The following BPTF variants were observed in gnomAD, a reference collection of about 807,000 sequenced individuals.
BPTF encodes nucleosome-remodeling factor subunit BPTF.
A neutral mutation model predicts 292.5 loss-of-function variants in BPTF; 18 were observed. The ratio of observed to expected loss-of-function variants is 0.06; its 90% CI spans 0.04 to 0.09. The LOEUF (loss-of-function observed/expected upper bound fraction) is 0.09. Among genes scored for constraint, BPTF ranks in the 10% least tolerant of loss-of-function variants. The pLI is 1.00. For synonymous variants in BPTF, 1,225 were observed against 1,251.9 expected, an observed-to-expected ratio of 0.98 and a Z score of 0.45; for missense variants, 2,726 against 3,498.7, an observed-to-expected ratio of 0.78 and a Z score of 5.57.
intron 3 of BPTF, among the ~76,000 whole-genome samples, chr17:67,871,533 A>T (rs2145643290): frequency 6.6e-6 from 1 of 151,718 alleles, no homozygotes; most frequent in South Asian, 2.1e-4. Flanking sequence ...TATACAGCTT[A>T]CTATATTTGC....
At chr17:67,843,153 T>C (rs996929393) in intron 1 of BPTF, among the ~76,000 whole-genome samples, 2 of 149,710 alleles carry the variant, frequency 1.3e-5, no homozygotes, top group African/African-American at 2.4e-5. Context: ...CATATAAATA[T>C]ATATCTACAT....
At chr17:67,909,198 T>A (rs1485117025) in intron 9 of BPTF, among the ~76,000 whole-genome samples, 1 of 149,332 alleles carries the variant, frequency 6.7e-6, no homozygotes, top group Non-Finnish European at 1.5e-5. Context: ...GTTTTTTTTT[T>A]AATTTTTGGA....
intron 26 of BPTF, among the ~76,000 whole-genome samples, chr17:67,969,452 CAAAA>C (rs11360473): frequency 1.3e-4 from 6 of 47,984 alleles, no homozygotes; most frequent in Non-Finnish European, 1.5e-4. Flanking sequence ...ACTCTGTCTC[CAAAA>C]AAAAAAAAAA....
chr17:67,852,969 C>G (rs933972580), intron 1 of BPTF, among the ~76,000 whole-genome samples: 2 of 152,162 alleles, frequency 1.3e-5, no homozygotes, highest in African/African-American at 4.8e-5. Flanking sequence ...AACCCCATCT[C>G]TACTAAAAAA....
intron 3 of BPTF, among the ~76,000 whole-genome samples, chr17:67,868,592 T>G (rs1358507589): frequency 6.6e-6 from 1 of 152,228 alleles, no homozygotes; most frequent in Non-Finnish European, 1.5e-5. Context: ...CTTTTAAGTT[T>G]TAGCTTAGAT....
In BPTF at chr17:67,884,446, C is replaced by T. The variant is rs181250690; in HGVS notation, c.1865-7398C>T. Among the ~76,000 whole-genome samples, 355 of 150,958 alleles carry T rather than the reference C, an allele frequency of 2.4e-3. 3 individuals are homozygous for T. Among genetic ancestry groups the T allele is most frequent in the Non-Finnish European group, 4.4e-3 (301 of 67,744 alleles). ...CTTTTTTTTTTTTCTGACAAGTTCT[C>T]ACTTTGTTACCCAGGCTAGAGTGCA... On this transcript the variant is annotated intron_variant, in intron 4 of 27. Coordinates refer to ENST00000306378, the MANE Select transcript of BPTF (RefSeq NM_182641.4).
intron 23 of BPTF, among the ~76,000 whole-genome samples, chr17:67,949,724 A>G (rs7223813): frequency 0.22 from 33,108 of 151,592 alleles, 4,260 homozygotes; most frequent in East Asian, 0.67. Context: ...TATAATTTAC[A>G]CATAATTACA....
chr17:67,907,417 A>G (rs59848297), intron 9 of BPTF, among the ~76,000 whole-genome samples: 2,716 of 149,742 alleles, frequency 0.018, 90 homozygotes, highest in African/African-American at 0.063. Flanking sequence ...GTGCAGTGGC[A>G]TGGTCTCAGC....
intron 4 of BPTF, among the ~76,000 whole-genome samples, chr17:67,880,372 T>C (rs1046144132): frequency 1.5e-4 from 23 of 152,170 alleles, no homozygotes; most frequent in African/African-American, 5.3e-4. Context: ...GTTGCTTTGA[T>C]GGTTTGTAGT....
intron 23 of BPTF, chr17:67,951,095 C>T (rs2066312154): frequency 6.6e-6 from 1 of 152,136 alleles, no homozygotes; most frequent in Admixed American, 6.6e-5. Context: ...AGGCATGAGC[C>T]ACTGTGCCCA....
chr17:67,978,981 G>C (rs1347939317), intron 27 of BPTF, among the ~76,000 whole-genome samples: 6 of 151,694 alleles, frequency 4.0e-5, no homozygotes, highest in Non-Finnish European at 7.4e-5. Flanking sequence ...TTCTAGACCA[G>C]CCTGGGCAAC....
intron 14 of BPTF, 111 bp downstream of exon 14, chr17:67,923,101 G>A (rs2147253479): frequency 1.6e-6 from 2 of 1,272,680 alleles, no homozygotes; most frequent in East Asian, 5.2e-5. Flanking sequence ...TGTCACCCAG[G>A]CTGGAGTGCA....
At chr17:67,827,764 A>G (rs1215929424) in intron 1 of BPTF, among the ~76,000 whole-genome samples, 1 of 152,136 alleles carries the variant, frequency 6.6e-6, no homozygotes, top group African/African-American at 2.4e-5. Context: ...GGTTGTCCTA[A>G]CATAACTGAA....
chr17:67,861,252 C>T (rs370107303), intron 2 of BPTF, among the ~76,000 whole-genome samples: 1 of 152,190 alleles, frequency 6.6e-6, no homozygotes, highest in South Asian at 2.1e-4. Flanking sequence ...ACTGTCCCTC[C>T]GTGATACAAG....
chr17:67,869,902 TGAGG>T (rs1555626377), intron 3 of BPTF, among the ~76,000 whole-genome samples: 1 of 144,426 alleles, frequency 6.9e-6, no homozygotes, highest in Non-Finnish European at 1.5e-5. Context: ...CTCGGCAGCC[TGAGG>T]CAAGAGAATG....
In BPTF at chr17:67,911,377, C is replaced by A. The variant is rs145463211; in HGVS notation, c.3493C>A (p.Arg1165=). 6.2e-7 allele frequency: 1 copy of A among 1,613,982 alleles called. No homozygotes were observed. Among genetic ancestry groups the A allele is most frequent in the Non-Finnish European group, 8.5e-7 (1 of 1,179,988 alleles). The part of the protein sequence containing the change: ...HTTNKLYPKD[R]VLDDVSIRSP... ...CACAAACAAACTTTATCCAAAAGAT[C>A]GAGTGTTAGATGATGTCTCCATTCG... is the stretch of plus-strand genomic sequence containing the variant. Residue 1165 remains arginine, a synonymous_variant, in exon 11 of 28, where the codon CGA becomes AGA. Coordinates refer to ENST00000306378, the MANE Select transcript of BPTF (RefSeq NM_182641.4).
At chr17:67,974,860 G>A (rs1418631898) in intron 26 of BPTF, 1 of 152,188 alleles carries the variant, frequency 6.6e-6, no homozygotes, top group Admixed American at 6.5e-5. Flanking sequence ...GGGTTTTTAG[G>A]AAAGCTTCAT....
At position 67,964,855 on chromosome 17, in the gene BPTF, T is replaced by C. The variant is rs370220781; in HGVS notation, c.8454+451T>C. ...TCTACTAAAAATACAAAAAATTAGC[T>C]GGGCGTGGTGGCGGGCGCCTGTAGT... On this transcript the variant is annotated intron_variant, in intron 25 of 27. Transcript: ENST00000306378. 1.1e-3 allele frequency among the ~76,000 whole-genome samples: 172 copies of C among 150,722 alleles called. 3 individuals carry two copies. The South Asian group carries it at 0.021, about 18-fold the overall frequency.
intron 26 of BPTF, among the ~76,000 whole-genome samples, chr17:67,969,774 GCAA>G (rs1411696762): frequency 6.6e-6 from 1 of 151,948 alleles, no homozygotes; most frequent in Non-Finnish European, 1.5e-5. Context: ...ACCAGCCTGG[GCAA>G]CATAGTGAGA....
Sources: gnomAD v4.1 joint callset for allele counts (sites outside exome capture counted in the v4.1 genomes callset) on GRCh38, gnomAD v4.1.1 for gene constraint, MANE v1.5 for transcripts, NCBI Gene and HGNC (gene_info 2026-07-23, HGNC 2026-07-21) for gene names.